Variants in PKD1 observed in about 807,000 individuals in gnomAD.
PKD1 encodes polycystin-1.
PKD1 carries 81 observed loss-of-function variants against 361.7 expected under a neutral mutation model. The observed-to-expected ratio is 0.22, with a 90% CI of 0.19 to 0.27. The LOEUF is 0.27. Ranked by LOEUF, PKD1 falls within the 10% of genes least tolerant of loss-of-function variation. PKD1 has a pLI of 1.00. For synonymous variants in PKD1, 3,615 were observed against 2,818.3 expected (o/e 1.28, Z -8.95); for missense variants, 6,399 against 6,118.3 (o/e 1.05, Z -1.53).
In PKD1 at chr16:2,112,875, G is replaced by T; in HGVS notation, c.3074C>A (p.Ser1025Tyr). ...GGGGGACAGCACGGCCGGCACTGTG[G>T]AGACCTGCAGACCCTGCATCCTGTT... ...RMNRMQGLQV[S>Y]TVPAVLSPNA... Residue 1025 changes from serine (S) to tyrosine (Y), a missense_variant, in exon 13 of 46, where the codon TCC becomes TAC. Transcript: ENST00000262304. The T allele has an allele frequency of 6.2e-7, 1 of 1,606,914 alleles. No homozygotes were observed. Among genetic ancestry groups the T allele is most frequent in the East Asian group, 2.2e-5 (1 of 44,884 alleles).
At chr16:2,125,493 G>A (rs539983562) in intron 1 of PKD1, among the ~76,000 whole-genome samples, 3 of 151,226 alleles carry the variant, frequency 2.0e-5, no homozygotes, top group East Asian at 1.9e-4. Flanking sequence ...ATGAGATGCC[G>A]GGGGTGACAT....
rs1282609791 is a variant in PKD1 at position 2,097,457 on chromosome 16, G to C, written c.10267C>G (p.Leu3423Val). The change falls in exon 33 of 46, where the codon CTG becomes GTG. Residue 3423 changes from leucine (L) to valine (V), a missense_variant. Transcript: ENST00000262304. ...CCCACAATGGACGGGTCACTGAGCA[G>C]GTCCGGCCAACTGAGCGTTCCCTCG... ...SGEGTLSWPDLLSDPSIVGSN... is the reference protein window; with the variant it reads ...SGEGTLSWPDVLSDPSIVGSN... The C allele has an allele frequency of 1.2e-6, 2 of 1,604,976 alleles. No individual in the cohort carries two copies. Among genetic ancestry groups the C allele is most frequent in the African/African-American group, 2.7e-5 (2 of 74,930 alleles).
chr16:2,119,973 G>T (rs2092694633), intron 1 of PKD1: 1 of 598,986 alleles, frequency 1.7e-6, no homozygotes, highest in African/African-American at 1.9e-5. Flanking sequence ...AGCACCGTGG[G>T]AGCTGAGACG....
chr16:2,115,943 C>G, intron 9 of PKD1, 49 bp downstream of exon 9: 1 of 1,536,728 alleles, frequency 6.5e-7, no homozygotes, highest in East Asian at 2.4e-5. Flanking sequence ...AGAGGCCACC[C>G]CGAGTCCTGC....
At chr16:2,105,824 G>T (rs373896217) in intron 20 of PKD1, 41 bp downstream of exon 20, 8 of 1,576,184 alleles carry the variant, frequency 5.1e-6, no homozygotes, top group Admixed American at 1.7e-5. Context: ...TCCCAAGCAC[G>T]CATGCAGCAG....
chr16:2,090,637 G>A (rs547707456), intron 44 of PKD1, 37 bp downstream of exon 44: 31 of 1,610,016 alleles, frequency 1.9e-5, no homozygotes, highest in South Asian at 5.5e-5. Flanking sequence ...GAGCTGAGCT[G>A]AGCTAAGACG....
At chr16:2,095,446 A>C (rs2091807006) in intron 34 of PKD1, 1 of 152,242 alleles carries the variant, frequency 6.6e-6, no homozygotes, top group Non-Finnish European at 1.5e-5. Flanking sequence ...CCCAGCCTCA[A>C]CTATTCCTTT....
Position 2,091,146 on chromosome 16 carries a change from A to G in PKD1, c.11741T>C (p.Phe3914Ser), listed in dbSNP as rs2091500741. ...SVCLLLFAVHFAVAEARTWHR... is the reference protein window; with the variant it reads ...SVCLLLFAVHSAVAEARTWHR... ...CCAAGTACGGGCCTCGGCCACGGCG[A>G]AGTGCACGGCGAACAGCAGCAGGCA... The change falls in exon 43 of 46, where the codon TTC (phenylalanine) becomes TCC (serine). Residue 3914 changes from phenylalanine to serine, a missense_variant. Physicochemically the swap from Phe to Ser is radical, Grantham distance 155. Coordinates refer to ENST00000262304, the MANE Select transcript of PKD1 (RefSeq NM_001009944.3). 1 of 1,473,362 alleles carries G rather than the reference A, an allele frequency of 6.8e-7. No individual in the cohort carries two copies. The highest frequency in any genetic ancestry group is 8.9e-7 in the Non-Finnish European group (1 of 1,119,884). The allele number at this position is 1,473,362 out of a possible 1,614,324, so 91.3% of individuals were successfully genotyped here. A position where few individuals can be genotyped will look rare whatever the true frequency, so the allele number is the denominator to read the frequency against.
Position 2,106,487 on chromosome 16 carries a change from G to A in PKD1, c.7400C>T (p.Pro2467Leu). ...AGAGCCCCCCAGCGGCGGGCGGTTG[G>A]GGGACAGGCGGATGGAGGCGCAGCC... ...EEGCASIRLS[P>L]NRPPLGGSCR... Residue 2467 changes from proline (P) to leucine (L), a missense_variant, in exon 18 of 46, where the codon CCC becomes CTC. By Grantham distance (98) the Pro-to-Leu change is moderately conservative. Transcript: ENST00000262304. The surrounding 1 kb of genome is among the most constrained non-coding windows in gnomAD (Gnocchi z 6.5). 2 of 1,593,550 alleles carry A rather than the reference G, an allele frequency of 1.3e-6. No individual in the cohort carries two copies. Among genetic ancestry groups the A allele is most frequent in the Non-Finnish European group, 1.7e-6 (2 of 1,177,422 alleles).
Position 2,093,916 on chromosome 16 carries a change from GACAGCC to G in PKD1, c.10710_10715del (p.Ala3571_Val3572del), listed in dbSNP as rs777460677. On this transcript the variant is annotated inframe_deletion, in exon 36 of 46. Coordinates refer to ENST00000262304, the MANE Select transcript of PKD1 (RefSeq NM_001009944.3). The stretch of plus-strand genomic sequence containing the variant: ...GGAAGCTCGCACCCACCCACCCTGA[GACAGCC>G]ACAGCCACAGCCACCAGGAGCAGGC... The G allele has an allele frequency of 6.3e-6, 10 of 1,582,634 alleles. No homozygotes were observed. Among genetic ancestry groups the G allele is most frequent in the Admixed American group, 1.7e-5 (1 of 57,362 alleles).
rs2091354600 is a variant in PKD1, at chr16:2,089,541, G to A, written c.*186C>T. On this transcript the variant is annotated 3_prime_UTR_variant, in exon 46 of 46. Transcript: ENST00000262304. ...CCAAGGGAGCTGGGGAGGGGACCCT[G>A]GGTCCTGGTTGGCCACACAGCCTCT... 4.4e-6 allele frequency: 3 copies of A among 682,354 alleles called. No individual in the cohort carries two copies. Among genetic ancestry groups the A allele is most frequent in the East Asian group, 2.7e-5 (1 of 36,536 alleles). 42.3% of individuals were successfully genotyped at this position (682,354 alleles called of 1,614,324 possible). A position where few individuals can be genotyped will look rare whatever the true frequency, so the allele number is the denominator to read the frequency against.
At chr16:2,121,757 G>T (rs2092724859) in intron 1 of PKD1, among the ~76,000 whole-genome samples, 1 of 152,212 alleles carries the variant, frequency 6.6e-6, no homozygotes, top group South Asian at 2.1e-4. Context: ...CAGGACTATG[G>T]CTCCGCAGGT....
intron 42 of PKD1, 86 bp from the exon 43 acceptor site, chr16:2,091,260 CTA>C (rs2091527111): frequency 6.0e-6 from 3 of 497,642 alleles, no homozygotes; most frequent in Admixed American, 5.8e-5. Flanking sequence ...GGGCGGGGCC[CTA>C]CGAGGGGGCG....
intron 1 of PKD1, among the ~76,000 whole-genome samples, chr16:2,127,037 G>A (rs2092808123): frequency 6.6e-6 from 1 of 152,084 alleles, no homozygotes; most frequent in Admixed American, 6.5e-5. Context: ...TCATAGAGAT[G>A]CCCTGGCCTC....
Position 2,090,947 on chromosome 16 carries a change from C to G in PKD1, c.11940G>C (p.Val3980=), listed in dbSNP as rs1301305553. Residue 3980 remains valine (V), a synonymous_variant, in exon 43 of 46, where the codon GTG becomes GTC. Coordinates refer to ENST00000262304, the MANE Select transcript of PKD1 (RefSeq NM_001009944.3). Reference sequence around the variant, plus strand: ...CACGGGCTGCGGAGCTCAGCTGCGCCACCTGGTCGAAGCTAGTGAAGCGGC... The same window carrying G: ...CACGGGCTGCGGAGCTCAGCTGCGCGACCTGGTCGAAGCTAGTGAAGCGGC... ...RPRRFTSFDQ[V]AQLSSAARGL... The G allele has an allele frequency of 6.4e-7, 1 of 1,565,666 alleles. No homozygotes were observed. The highest frequency in any genetic ancestry group is 8.6e-7 in the Non-Finnish European group (1 of 1,162,368).
Position 2,115,263 on chromosome 16 carries a change from C to G in PKD1, c.2097+115G>C, listed in dbSNP as rs1264238639. On this transcript the variant is annotated intron_variant, in intron 10 of 45. Transcript: ENST00000262304. ...GGTCGGAGGTCAGAGGTGGCAAGGA[C>G]GTGGGAGGGGCCTGCAGGCTGGGTG... 3 of 1,153,570 alleles carry G rather than the reference C, an allele frequency of 2.6e-6. No individual in the cohort carries two copies. In the East Asian group the frequency reaches 7.7e-5, roughly 30 times the overall value. 71.5% of individuals were successfully genotyped at this position (1,153,570 alleles called of 1,614,324 possible). A position where few individuals can be genotyped will look rare whatever the true frequency, so the allele number is the denominator to read the frequency against.
intron 1 of PKD1, among the ~76,000 whole-genome samples, chr16:2,132,588 A>T (rs904308494): frequency 6.9e-6 from 1 of 145,206 alleles, no homozygotes; most frequent in Non-Finnish European, 1.5e-5. Context: ...AAAAAAAAAA[A>T]AAAGAAAAAA....
chr16:2,093,248 C>T, intron 37 of PKD1, 155 bp from the exon 38 acceptor site: 3 of 875,056 alleles, frequency 3.4e-6, no homozygotes, highest in Non-Finnish European at 5.5e-6. Context: ...AGGGTAATGG[C>T]AGCACACACC....
chr16:2,120,984 T>A (rs2092711251), intron 1 of PKD1, among the ~76,000 whole-genome samples: 1 of 146,136 alleles, frequency 6.8e-6, no homozygotes, highest in Non-Finnish European at 1.5e-5. Flanking sequence ...GCCACTGCAA[T>A]CCAGCCTGGT....
Sources: gnomAD v4.1 joint callset for allele counts (sites outside exome capture counted in the v4.1 genomes callset) on GRCh38, gnomAD v4.1.1 for gene constraint, Gnocchi (gnomAD v3.1) non-coding constraint, MANE v1.5 for transcripts, NCBI Gene and HGNC (gene_info 2026-07-23, HGNC 2026-07-21) for gene names.